COPA: variants seen among roughly 807,000 people sequenced by gnomAD.
The protein encoded by COPA is coat protein complex I subunit alpha.
Under a neutral mutation model 158.7 loss-of-function variants are expected in COPA, and 10 were observed. The observed-to-expected ratio is 0.06, with a 90% CI of 0.04 to 0.11. COPA has a LOEUF of 0.11. Among genes scored for constraint, COPA ranks in the 10% least tolerant of loss-of-function variants. The probability of loss-of-function intolerance (pLI) is 1.00; values close to 1 mark genes in which losing one functional copy is unlikely to be tolerated. For synonymous variants in COPA, 462 were observed against 542.8 expected (o/e 0.85, Z 2.07); for missense variants, 1,065 against 1,536.7 (o/e 0.69, Z 5.13).
At position 160,297,477 on chromosome 1, in the gene COPA, T is replaced by C. The variant is rs373277800; in HGVS notation, c.2168-39A>G. ...GAGACACCAAGTTAGGTCTTTTCTC[T>C]TAAGTTCTCTTTCTCCTTAATTCAC... is the stretch of plus-strand genomic sequence containing the variant. On this transcript the variant is annotated intron_variant, in intron 20 of 32. Transcript: ENST00000241704. The C allele has an allele frequency of 3.7e-6, 6 of 1,613,254 alleles. No homozygotes were observed. The African/African-American group carries it at 4.0e-5, about 11-fold the overall frequency.
intron 6 of COPA, among the ~76,000 whole-genome samples, chr1:160,330,490 G>A (rs1294220749): frequency 6.6e-6 from 1 of 152,190 alleles, no homozygotes; most frequent in Non-Finnish European, 1.5e-5. Flanking sequence ...TTCATTCTAT[G>A]CCTTTGAAAA....
chr1:160,338,766 G>A (rs1647900395), intron 3 of COPA, among the ~76,000 whole-genome samples: 1 of 152,022 alleles, frequency 6.6e-6, no homozygotes, highest in South Asian at 2.1e-4. Flanking sequence ...TCTCCCTCTT[G>A]GTTCATCTCG....
chr1:160,292,342 A>C, intron 28 of COPA, 142 bp downstream of exon 28: 1 of 1,567,178 alleles, frequency 6.4e-7, no homozygotes, highest in Non-Finnish European at 8.6e-7. Flanking sequence ...GTGTAAACCA[A>C]CCCCATAGAG....
chr1:160,294,779 T>C lies in COPA; in HGVS notation c.2555A>G (p.Gln852Arg). The change falls in exon 24 of 33, where the codon CAG becomes CGG. Residue 852 changes from glutamine (Q) to arginine (R), a missense_variant. By Grantham distance (43) the Gln-to-Arg change is conservative. This residue lies in a region of COPA where 980 missense variants were observed against 1,357.8 expected (regional missense o/e 0.72). Coordinates refer to ENST00000241704, the MANE Select transcript of COPA (RefSeq NM_004371.4). The part of the protein sequence containing the change: ...TEGWGEDAEL[Q>R]LDEDGFVEAT... ...AACAGCACTTTTACCTTCATCCAAC[T>C]GCAGCTCTGCATCCTCTCCCCAGCC... is the stretch of plus-strand genomic sequence containing the variant. 2 of 1,614,156 alleles carry C rather than the reference T, an allele frequency of 1.2e-6. No individual in the cohort carries two copies. Among genetic ancestry groups the C allele is most frequent in the Non-Finnish European group, 1.7e-6 (2 of 1,180,010 alleles).
intron 17 of COPA, 65 bp from the exon 18 acceptor site, chr1:160,299,329 C>T: frequency 6.7e-7 from 1 of 1,490,306 alleles, no homozygotes; most frequent in Non-Finnish European, 9.2e-7. Flanking sequence ...AGAAACGGAA[C>T]AAACCTAGGA....
chr1:160,299,757 A>T (rs1053412724), intron 17 of COPA, among the ~76,000 whole-genome samples: 3 of 152,244 alleles, frequency 2.0e-5, no homozygotes, highest in African/African-American at 4.8e-5. Context: ...AATATTAAAA[A>T]TTATTGGGTT....
At chr1:160,291,666 G>A (rs1658236500) in intron 30 of COPA, among the ~76,000 whole-genome samples, 153 bp downstream of exon 30, 2 of 145,556 alleles carry the variant, frequency 1.4e-5, no homozygotes, top group South Asian at 4.1e-4. Flanking sequence ...TGAGGAAGTA[G>A]GATGAAGAAA....
At chr1:160,336,205 C>T (rs1463779675) in intron 3 of COPA, among the ~76,000 whole-genome samples, 3 of 151,766 alleles carry the variant, frequency 2.0e-5, no homozygotes, top group Non-Finnish European at 4.4e-5. Flanking sequence ...AAAAATTAGC[C>T]GGATGTGATC....
In COPA at chr1:160,305,763, A is replaced by G. The variant is rs1310306663; in HGVS notation, c.1453T>C (p.Ser485Pro). 1 of 1,613,920 alleles carries G rather than the reference A, an allele frequency of 6.2e-7. No individual in the cohort carries two copies. The highest frequency in any genetic ancestry group is 1.1e-5 in the South Asian group (1 of 91,078). ...TATTTCACTTTAGAAATCTTCACAG[A>G]TGCCAGAGTCCTGAGATAGATAGAG... ...FDVQQKRTLA[S>P]VKISKVKYVI... The change falls in exon 16 of 33, where the codon TCT (serine) becomes CCT (proline). Residue 485 changes from serine (S) to proline (P), a missense_variant. By Grantham distance (74) the Ser-to-Pro change is moderately conservative. Transcript: ENST00000241704.
intron 6 of COPA, among the ~76,000 whole-genome samples, chr1:160,330,871 A>G (rs1647479831): frequency 6.6e-6 from 1 of 152,152 alleles, no homozygotes; most frequent in Non-Finnish European, 1.5e-5. Context: ...TTTCTAAGGA[A>G]ATGAATACAA....
intron 22 of COPA, 43 bp downstream of exon 22, chr1:160,296,018 G>A (rs772600700): frequency 6.3e-7 from 1 of 1,597,184 alleles, no homozygotes; most frequent in Admixed American, 1.7e-5. Context: ...AGATCCTAGA[G>A]TTAATCCTGT....
chr1:160,341,331 T>C (rs556396863), intron 1 of COPA, among the ~76,000 whole-genome samples: 3 of 152,370 alleles, frequency 2.0e-5, no homozygotes, highest in Non-Finnish European at 4.4e-5. Flanking sequence ...CTATATAATA[T>C]GGATCTCATG....
chr1:160,337,837 T>C (rs1046872195), intron 3 of COPA, among the ~76,000 whole-genome samples: 1 of 152,242 alleles, frequency 6.6e-6, no homozygotes, highest in African/African-American at 2.4e-5. Flanking sequence ...AACAGCTTTA[T>C]TGAGATACAG....
intron 21 of COPA, among the ~76,000 whole-genome samples, chr1:160,297,033 A>G (rs147116634): frequency 4.0e-4 from 61 of 152,346 alleles, no homozygotes; most frequent in African/African-American, 1.3e-3. Context: ...CAAACTGAAA[A>G]TAAAGAATAA....
intron 10 of COPA, among the ~76,000 whole-genome samples, chr1:160,312,834 C>A (rs942838171): frequency 1.3e-5 from 2 of 152,188 alleles, no homozygotes; most frequent in Non-Finnish European, 2.9e-5. Flanking sequence ...TATAAAGCAG[C>A]AGTCCCCATA....
intron 6 of COPA, 75 bp from the exon 7 acceptor site, chr1:160,325,727 G>A: frequency 2.0e-6 from 2 of 1,002,730 alleles, no homozygotes; most frequent in Admixed American, 2.1e-5. Context: ...CAGAAACACA[G>A]AAATTACAGT....
At chr1:160,292,331 G>A (rs1195243464) in intron 28 of COPA, 133 bp from the exon 29 acceptor site, 5 of 1,555,360 alleles carry the variant, frequency 3.2e-6, no homozygotes, top group African/African-American at 1.4e-5. Context: ...GATGACAGCA[G>A]GTGTAAACCA....
At chr1:160,325,432 C>G (rs1659459250) in intron 7 of COPA, 111 bp downstream of exon 7, 1 of 921,530 alleles carries the variant, frequency 1.1e-6, no homozygotes, top group Non-Finnish European at 1.7e-6. Context: ...GTGCCTGGCA[C>G]TTAATAAGCA....
At chr1:160,334,721 G>A (rs909496103) in intron 4 of COPA, among the ~76,000 whole-genome samples, 2 of 152,206 alleles carry the variant, frequency 1.3e-5, no homozygotes, top group Non-Finnish European at 2.9e-5. Flanking sequence ...TTGGGAGTCT[G>A]TAATCTGCAC....
Sources: gnomAD v4.1 joint callset for allele counts (sites outside exome capture counted in the v4.1 genomes callset) on GRCh38, gnomAD v4.1.1 for gene constraint, gnomAD v4.1.1 regional missense constraint, MANE v1.5 for transcripts, NCBI Gene and HGNC (gene_info 2026-07-23, HGNC 2026-07-21) for gene names.